Variants in PLEKHG6 observed in about 807,000 individuals in gnomAD.
PLEKHG6 encodes pleckstrin homology and RhoGEF domain containing G6.
A neutral mutation model predicts 97.5 loss-of-function variants in PLEKHG6; 91 were observed. The observed-to-expected ratio is 0.93, with a 90% CI of 0.79 to 1.11. PLEKHG6 has a LOEUF of 1.11. Among genes scored for constraint, PLEKHG6 ranks in the 50% most tolerant of loss-of-function variants. The pLI, the probability that PLEKHG6 is intolerant of heterozygous loss-of-function variation, is 0.00. For synonymous variants in PLEKHG6, 466 were observed against 425.5 expected, an observed-to-expected ratio of 1.10 and a Z score of -1.17; for missense variants, 1,044 against 1,031.0, an observed-to-expected ratio of 1.01 and a Z score of -0.17.
At position 6,313,655 on chromosome 12, in the gene PLEKHG6, G is replaced by C; in HGVS notation, c.165G>C (p.Gln55His). 1 of 1,614,110 alleles carries C rather than the reference G, an allele frequency of 6.2e-7. No individual in the cohort carries two copies. Among genetic ancestry groups the C allele is most frequent in the South Asian group, 1.1e-5 (1 of 91,088 alleles). ...ATCCCAGTCGCCGACGCCTCCAGCA[G>C]TATGTCCCCTTTGCCAGGGGTTCTG... is the stretch of plus-strand genomic sequence containing the variant. ...VLDPSRRRLQ[Q>H]YVPFARGSGQ... Residue 55 changes from glutamine to histidine, a missense_variant, in exon 3 of 16, where the codon CAG (glutamine) becomes CAC (histidine). Coordinates refer to ENST00000684764, the MANE Select transcript of PLEKHG6 (RefSeq NM_001384598.1).
intron 13 of PLEKHG6, among the ~76,000 whole-genome samples, chr12:6,322,394 A>AAC (rs1339346746): frequency 1.3e-5 from 2 of 152,180 alleles, no homozygotes; most frequent in East Asian, 3.8e-4. Context: ...GAGGACAAAA[A>AAC]ACACACCCCA....
At chr12:6,318,262 C>T in intron 10 of PLEKHG6, 39 bp from the exon 11 acceptor site, 1 of 1,612,734 alleles carries the variant, frequency 6.2e-7, no homozygotes, top group Non-Finnish European at 8.5e-7. Flanking sequence ...TCCAGGCAGA[C>T]TGCCGAGCGC....
rs1301287740 is a variant in PLEKHG6, at chr12:6,327,027, C to T, written c.1671-227C>T. 6.6e-5 allele frequency among the ~76,000 whole-genome samples: 10 copies of T among 152,296 alleles called. No individual in the cohort carries two copies. In the East Asian group the frequency reaches 1.9e-3, roughly 29 times the overall value. On this transcript the variant is annotated intron_variant, in intron 14 of 15. Coordinates refer to ENST00000684764, the MANE Select transcript of PLEKHG6 (RefSeq NM_001384598.1). ...CAAAAACCTGACTACCCACTCGATACAAGATCCTGGACCAGATGCTATGGA... is the reference window on the plus strand; with the variant it reads ...CAAAAACCTGACTACCCACTCGATATAAGATCCTGGACCAGATGCTATGGA...
chr12:6,313,357 C>T (rs559640759), intron 2 of PLEKHG6, among the ~76,000 whole-genome samples: 74 of 152,324 alleles, frequency 4.9e-4, no homozygotes, highest in African/African-American at 1.8e-3. Context: ...TGCTGTGCAC[C>T]TGCTCGGCAG....
chr12:6,327,516 A>C lies in PLEKHG6; in HGVS notation c.1933A>C (p.Ser645Arg). Residue 645 changes from serine (S) to arginine (R), a missense_variant, in exon 15 of 16, where the codon AGC becomes CGC. Physicochemically the swap from Ser to Arg is moderately radical, Grantham distance 110. Transcript: ENST00000684764. ...PPDPQAPQRR[S>R]APELPEGILK... The stretch of plus-strand genomic sequence containing the variant: ...CGACCCCCAAGCTCCTCAACGCCGA[A>C]GCGCCCCCGAACTGCCGGAAGGAAT... 1 of 1,341,494 alleles carries C rather than the reference A, an allele frequency of 7.5e-7. No homozygotes were observed. The highest frequency in any genetic ancestry group is 1.0e-6 in the Non-Finnish European group (1 of 1,001,916). The allele number at this position is 1,341,494 out of a possible 1,614,324, so 83.1% of individuals were successfully genotyped here.
chr12:6,319,006 G>C lies in PLEKHG6; in HGVS notation c.1422G>C (p.Leu474=), dbSNP rs779492890. ...TCCTCCATCCAGACAGCTTCCTGCTGATCCACCTCACTGAATTCCAGTGTG... is the reference window on the plus strand; with the variant it reads ...TCCTCCATCCAGACAGCTTCCTGCTCATCCACCTCACTGAATTCCAGTGTG... The part of the protein sequence containing the change: ...QPLRDPNSFL[L]IHLTEFQCVS... The change falls in exon 13 of 16, where the codon CTG becomes CTC. Residue 474 remains leucine (L), a synonymous_variant. Transcript: ENST00000684764. 9.9e-6 allele frequency: 16 copies of C among 1,613,888 alleles called. No homozygotes were observed. Among genetic ancestry groups the C allele is most frequent in the Non-Finnish European group, 1.4e-5 (16 of 1,179,928 alleles).
chr12:6,322,858 A>G (rs532591824), intron 13 of PLEKHG6, among the ~76,000 whole-genome samples: 1 of 152,246 alleles, frequency 6.6e-6, no homozygotes, highest in South Asian at 2.1e-4. Context: ...TACAACCCAG[A>G]CAACAGGGTG....
chr12:6,311,965 T>A (rs978779219), intron 1 of PLEKHG6, among the ~76,000 whole-genome samples, 194 bp from the exon 2 acceptor site: 1 of 152,110 alleles, frequency 6.6e-6, no homozygotes, highest in Non-Finnish European at 1.5e-5. Context: ...CTACCCAATA[T>A]GTACCTGGAC....
In PLEKHG6 at chr12:6,312,331, T is replaced by G; in HGVS notation, c.105T>G (p.Ala35=). Reference sequence around the variant, plus strand: ...ATCGAGCCTCTGCTCAGAGCACTGCTGGCAGACTCTATCCCCGAGGATACC... The same window carrying G: ...ATCGAGCCTCTGCTCAGAGCACTGCGGGCAGACTCTATCCCCGAGGATACC... ...GRHRASAQST[A]GRLYPRGYPV... Residue 35 remains alanine (A), a synonymous_variant, in exon 2 of 16, where the codon GCT becomes GCG. Coordinates refer to ENST00000684764, the MANE Select transcript of PLEKHG6 (RefSeq NM_001384598.1). 1 of 1,583,320 alleles carries G rather than the reference T, an allele frequency of 6.3e-7. No individual in the cohort carries two copies. Among genetic ancestry groups the G allele is most frequent in the South Asian group, 1.2e-5 (1 of 86,270 alleles).
At chr12:6,312,441 C>CT in intron 2 of PLEKHG6, 77 bp downstream of exon 2, 1 of 1,433,378 alleles carries the variant, frequency 7.0e-7, no homozygotes. Flanking sequence ...TCTCTGTCCC[C>CT]TTACAGGTTC....
In PLEKHG6 at chr12:6,326,574, G is replaced by A; in HGVS notation, c.1670+1G>A. The A allele has an allele frequency of 4.0e-6, 6 of 1,508,222 alleles. No homozygotes were observed. Among genetic ancestry groups the A allele is most frequent in the Non-Finnish European group, 5.3e-6 (6 of 1,132,958 alleles). 93.4% of individuals were successfully genotyped at this position (1,508,222 alleles called of 1,614,324 possible). A position where few individuals can be genotyped will look rare whatever the true frequency, so the allele number is the denominator to read the frequency against. On this transcript the variant is annotated splice_donor_variant, in intron 14 of 15. Transcript: ENST00000684764. LOFTEE classifies it high-confidence loss of function. ...GCTCTCAGAGCAGCGCAGAGGGGAG[G>A]TAAGGCTCACACGGACTACAAGGTC...
chr12:6,320,759 C>T (rs73259258), intron 13 of PLEKHG6, among the ~76,000 whole-genome samples: 2,715 of 152,194 alleles, frequency 0.018, 83 homozygotes, highest in African/African-American at 0.062. Context: ...TTCAACCCAC[C>T]ACAGGAACGG....
Position 6,316,501 on chromosome 12 carries a change from A to T in PLEKHG6, c.756+97A>T. 2 of 1,211,572 alleles carry T rather than the reference A, an allele frequency of 1.7e-6. No homozygotes were observed. The highest frequency in any genetic ancestry group is 2.3e-6 in the Non-Finnish European group (2 of 888,402). The allele number at this position is 1,211,572 out of a possible 1,614,324, so 75.1% of individuals were successfully genotyped here. On this transcript the variant is annotated intron_variant, in intron 7 of 15. Coordinates refer to ENST00000684764, the MANE Select transcript of PLEKHG6 (RefSeq NM_001384598.1). The surrounding 1 kb of genome is among the most constrained non-coding windows in gnomAD (Gnocchi z 4.1). ...TGCCCACAGTATGCAAATCTCTGTG[A>T]TTTGAGGGGCCGCAGGACACAGCCC...
chr12:6,315,658 C>G lies in PLEKHG6; in HGVS notation c.555+9C>G. 1 of 1,547,496 alleles carries G rather than the reference C, an allele frequency of 6.5e-7. No individual in the cohort carries two copies. The highest frequency in any genetic ancestry group is 8.9e-7 in the Non-Finnish European group (1 of 1,127,360). On this transcript the variant is annotated intron_variant, in intron 5 of 15. Coordinates refer to ENST00000684764, the MANE Select transcript of PLEKHG6 (RefSeq NM_001384598.1). This position sits in a 1 kb window ranked among gnomAD's most constrained non-coding sequence, Gnocchi z 4.5. ...TCAAGATCATGACTGATGTGAGCCC[C>G]CCTCAGCCCCAGCCCCGGCCCCATC... is the stretch of plus-strand genomic sequence containing the variant.
At position 6,315,781 on chromosome 12, in the gene PLEKHG6, T is replaced by A; in HGVS notation, c.556-88T>A. 1 of 1,278,230 alleles carries A rather than the reference T, an allele frequency of 7.8e-7. No individual in the cohort carries two copies. The highest frequency in any genetic ancestry group is 1.1e-6 in the Non-Finnish European group (1 of 912,488). 79.2% of individuals were successfully genotyped at this position (1,278,230 alleles called of 1,614,324 possible). Reference sequence around the variant, plus strand: ...CCAGTCTGGGATGCAGGGAGATAGGTCAGCAGTACTGAAGTTGGTGGGGGG... The same window carrying A: ...CCAGTCTGGGATGCAGGGAGATAGGACAGCAGTACTGAAGTTGGTGGGGGG... On this transcript the variant is annotated intron_variant, in intron 5 of 15. Transcript: ENST00000684764. This position sits in a 1 kb window ranked among gnomAD's most constrained non-coding sequence, Gnocchi z 4.5.
In PLEKHG6 at chr12:6,327,699, G is replaced by A. The variant is rs766461916; in HGVS notation, c.2116G>A (p.Glu706Lys). The change falls in exon 15 of 16, where the codon GAA becomes AAA. Residue 706 changes from glutamate (E) to lysine (K), a missense_variant. Physicochemically the swap from Glu to Lys is moderately conservative, Grantham distance 56 (BLOSUM62 1). Coordinates refer to ENST00000684764, the MANE Select transcript of PLEKHG6 (RefSeq NM_001384598.1). ...CCCAACCCATGCTGACTCTGCCGGG[G>A]AAAGCCCCTGGGAGTCCTCAGGGGA... is the stretch of plus-strand genomic sequence containing the variant. ...SSPTHADSAG[E>K]SPWESSGEEE... 3 of 1,561,726 alleles carry A rather than the reference G, an allele frequency of 1.9e-6. No individual in the cohort carries two copies. The highest frequency in any genetic ancestry group is 3.8e-5 in the Admixed American group (2 of 52,724).
intron 2 of PLEKHG6, chr12:6,313,058 G>A (rs1947327817): frequency 6.6e-7 from 1 of 1,515,722 alleles, no homozygotes; most frequent in Admixed American, 2.0e-5. Flanking sequence ...ACAGGCAAAT[G>A]AAGGAATGTG....
Position 6,328,269 on chromosome 12 carries a change from A to C in PLEKHG6, c.*124A>C. The C allele has an allele frequency of 2.1e-6, 2 of 942,196 alleles. No homozygotes were observed. Among genetic ancestry groups the C allele is most frequent in the Non-Finnish European group, 3.4e-6 (2 of 587,972 alleles). 58.4% of individuals were successfully genotyped at this position (942,196 alleles called of 1,614,324 possible). ...ACATTTCCCAAAGGAAGCCTGGCCC[A>C]GGCACCCTGCCTCCTGCTCTGTTTG... is the stretch of plus-strand genomic sequence containing the variant. On this transcript the variant is annotated 3_prime_UTR_variant, in exon 16 of 16. Coordinates refer to ENST00000684764, the MANE Select transcript of PLEKHG6 (RefSeq NM_001384598.1).
intron 14 of PLEKHG6, among the ~76,000 whole-genome samples, 177 bp downstream of exon 14, chr12:6,326,750 G>A (rs999239647): frequency 2.0e-5 from 3 of 152,208 alleles, no homozygotes; most frequent in Non-Finnish European, 2.9e-5. Flanking sequence ...GGTACCAGCC[G>A]TGTTGGGTTG....
Sources: gnomAD v4.1 joint callset for allele counts (sites outside exome capture counted in the v4.1 genomes callset) on GRCh38, gnomAD v4.1.1 for gene constraint, Gnocchi (gnomAD v3.1) non-coding constraint, MANE v1.5 for transcripts, NCBI Gene and HGNC (gene_info 2026-07-23, HGNC 2026-07-21) for gene names.